The following CHRM3 variants were observed in gnomAD, a reference collection of about 807,000 sequenced individuals.
CHRM3 encodes the protein cholinergic receptor muscarinic 3, also known as muscarinic acetylcholine receptor M3.
In CHRM3, 11 loss-of-function variants were observed where a neutral mutation model predicts 41.8. The ratio of observed to expected loss-of-function variants is 0.26; its 90% CI spans 0.17 to 0.44. The LOEUF (loss-of-function observed/expected upper bound fraction) is 0.44, where lower values mean the gene tolerates loss of function less well. Ranked by LOEUF, CHRM3 falls within the 20% of genes least tolerant of loss-of-function variation. The pLI, the probability that CHRM3 is intolerant of heterozygous loss-of-function variation, is 1.00. For missense variants in CHRM3, 571 were observed against 745.4 expected (o/e 0.77, Z 2.72); for synonymous variants, 297 against 301.4 (o/e 0.99, Z 0.15).
At chr1:239,820,168 C>A (rs187082892) in intron 5 of CHRM3, among the ~76,000 whole-genome samples, 4 of 152,294 alleles carry the variant, frequency 2.6e-5, no homozygotes, top group Non-Finnish European at 2.9e-5. Flanking sequence ...GGAAAAAAGT[C>A]TTTATACATT....
At chr1:239,616,381 T>C (rs1048460303) in intron 3 of CHRM3, among the ~76,000 whole-genome samples, 8 of 152,222 alleles carry the variant, frequency 5.3e-5, no homozygotes, top group African/African-American at 1.7e-4. Flanking sequence ...AACATATTTT[T>C]AATTGGGAGT....
chr1:239,857,928 G>A (rs1675259397), intron 6 of CHRM3, among the ~76,000 whole-genome samples: 1 of 151,982 alleles, frequency 6.6e-6, no homozygotes, highest in Admixed American at 6.6e-5. Flanking sequence ...AAGTTGCCCC[G>A]AACATTATCT....
At chr1:239,643,901 G>A (rs1362309903) in intron 4 of CHRM3, among the ~76,000 whole-genome samples, 3 of 152,090 alleles carry the variant, frequency 2.0e-5, no homozygotes, top group African/African-American at 7.2e-5. Flanking sequence ...GTTCCTATTC[G>A]GCCATCTTCT....
intron 2 of CHRM3, among the ~76,000 whole-genome samples, chr1:239,496,259 A>G (rs561599004): frequency 3.9e-5 from 6 of 152,240 alleles, no homozygotes; most frequent in Admixed American, 2.0e-4. Context: ...TATGAACCCC[A>G]TTTTACATGC....
In CHRM3 at chr1:239,874,597, G is replaced by A. The variant is rs560138311; in HGVS notation, c.-19-32836G>A. On this transcript the variant is annotated intron_variant, in intron 6 of 6. Transcript: ENST00000676153. Reference sequence around the variant, plus strand: ...GTATATGTACATGTATCCATTTAGAGCACACACACACATTCAATGGTCTTA... The same window carrying A: ...GTATATGTACATGTATCCATTTAGAACACACACACACATTCAATGGTCTTA... Among the ~76,000 whole-genome samples the A allele has an allele frequency of 9.2e-5, 14 of 151,626 alleles. No homozygotes were observed. The East Asian group carries it at 2.1e-3, about 23-fold the overall frequency.
chr1:239,826,711 A>T (rs1672492244), intron 5 of CHRM3: 1 of 152,206 alleles, frequency 6.6e-6, no homozygotes, highest in African/African-American at 2.4e-5. Context: ...GAATGAGAAA[A>T]ACCTATAAGC....
At chr1:239,408,190 C>A (rs993120995) in intron 1 of CHRM3, 2 of 152,138 alleles carry the variant, frequency 1.3e-5, no homozygotes, top group Non-Finnish European at 2.9e-5. Flanking sequence ...TCATTCTGCA[C>A]GTCTCCTTGC....
At chr1:239,642,747 A>C (rs928503692) in intron 4 of CHRM3, among the ~76,000 whole-genome samples, 1 of 152,104 alleles carries the variant, frequency 6.6e-6, no homozygotes, top group African/African-American at 2.4e-5. Context: ...TGATCATCTG[A>C]AGCCTTCTTC....
chr1:239,652,623 A>G (rs1360038076), intron 4 of CHRM3, among the ~76,000 whole-genome samples: 1 of 149,522 alleles, frequency 6.7e-6, no homozygotes, highest in Non-Finnish European at 1.5e-5. Context: ...TTTCTCAACC[A>G]TATGCTCACT....
At chr1:239,467,970 G>A (rs760469191) in intron 1 of CHRM3, among the ~76,000 whole-genome samples, 1 of 152,032 alleles carries the variant, frequency 6.6e-6, no homozygotes, top group Admixed American at 6.6e-5. Flanking sequence ...GAGTCTGAGG[G>A]TGTTAAAGAG....
At position 239,478,913 on chromosome 1, in the gene CHRM3, T is replaced by TG. The variant is rs199879147; in HGVS notation, c.-520-13794dup. ...AAAAGAGACAGCAGGCCAGGCATGC[T>TG]GGCTCATGAATGTAATCCCAACACT... On this transcript the variant is annotated intron_variant, in intron 1 of 6. Transcript: ENST00000676153. 9.6e-3 allele frequency among the ~76,000 whole-genome samples: 1,466 copies of TG among 152,296 alleles called. 30 individuals carry two copies. Among genetic ancestry groups the TG allele is most frequent in the African/African-American group, 0.034 (1,409 of 41,578 alleles).
intron 5 of CHRM3, among the ~76,000 whole-genome samples, chr1:239,813,916 C>CAAAAA (rs67147618): frequency 4.8e-5 from 5 of 103,218 alleles, no homozygotes; most frequent in African/African-American, 2.6e-4. Context: ...GACTCCGTCT[C>CAAAAA]AAAAAAAAAA....
chr1:239,606,534 A>G lies in CHRM3; in HGVS notation c.-312-25690A>G, dbSNP rs193102524. 1.4e-3 allele frequency among the ~76,000 whole-genome samples: 216 copies of G among 152,310 alleles called. 3 individuals carry two copies. In the Middle Eastern group the frequency reaches 0.031, roughly 22 times the overall value. ...TGGGATCTGCCCGCCTTGGCCTCCCAAAGTGCTGGGATTATAGGCGTGAGC... is the reference window on the plus strand; with the variant it reads ...TGGGATCTGCCCGCCTTGGCCTCCCGAAGTGCTGGGATTATAGGCGTGAGC... On this transcript the variant is annotated intron_variant, in intron 3 of 6. Transcript: ENST00000676153.
chr1:239,805,275 G>A (rs762474921), intron 5 of CHRM3, among the ~76,000 whole-genome samples: 3 of 152,184 alleles, frequency 2.0e-5, no homozygotes, highest in Non-Finnish European at 4.4e-5. Flanking sequence ...GACCTCTGGT[G>A]TTACCTAAGA....
At chr1:239,434,663 C>G (rs1243624617) in intron 1 of CHRM3, among the ~76,000 whole-genome samples, 4 of 152,070 alleles carry the variant, frequency 2.6e-5, no homozygotes, top group African/African-American at 9.7e-5. Flanking sequence ...GTACTAGACA[C>G]TAAGTGCTTT....
At chr1:239,493,919 G>T (rs1463245177) in intron 2 of CHRM3, among the ~76,000 whole-genome samples, 1 of 152,142 alleles carries the variant, frequency 6.6e-6, no homozygotes, top group African/African-American at 2.4e-5. Flanking sequence ...CACCAGGAAA[G>T]AATTCAAGGG....
At chr1:239,613,018 C>A (rs557163521) in intron 3 of CHRM3, among the ~76,000 whole-genome samples, 2 of 152,246 alleles carry the variant, frequency 1.3e-5, no homozygotes, top group South Asian at 4.1e-4. Context: ...TTAAGTAAAC[C>A]CTGACTGTGT....
intron 2 of CHRM3, among the ~76,000 whole-genome samples, chr1:239,520,659 AG>A (rs1441970795): frequency 2.9e-4 from 44 of 152,290 alleles, no homozygotes; most frequent in African/African-American, 1.0e-3. Flanking sequence ...ATTGCAATGC[AG>A]GAACAGCCCA....
At chr1:239,855,673 T>C (rs1187015498) in intron 6 of CHRM3, among the ~76,000 whole-genome samples, 3 of 152,182 alleles carry the variant, frequency 2.0e-5, no homozygotes, top group South Asian at 2.1e-4. Context: ...TTTTTATTGC[T>C]CTTTTTACAT....
Sources: gnomAD v4.1 joint callset for allele counts (sites outside exome capture counted in the v4.1 genomes callset) on GRCh38, gnomAD v4.1.1 for gene constraint, MANE v1.5 for transcripts, NCBI Gene and HGNC (gene_info 2026-07-23, HGNC 2026-07-21) for gene names.